ABAT: variants seen among roughly 807,000 people sequenced by gnomAD.
ABAT encodes 4-aminobutyrate aminotransferase.
ABAT carries 45 observed loss-of-function variants against 64.6 expected under a neutral mutation model. That is an observed-to-expected ratio of 0.70 (90% CI 0.55 to 0.89). ABAT has a LOEUF of 0.89. Among genes scored for constraint, ABAT ranks in the 40% least tolerant of loss-of-function variants. The pLI is 0.00. For synonymous variants in ABAT, 297 were observed against 250.5 expected (o/e 1.19, Z -1.75); for missense variants, 633 against 658.4 (o/e 0.96, Z 0.42).
At chr16:8,756,793 A>G (rs1052375389) in intron 5 of ABAT, among the ~76,000 whole-genome samples, 2 of 152,194 alleles carry the variant, frequency 1.3e-5, no homozygotes, top group Admixed American at 1.3e-4. Flanking sequence ...AAGTCTTGAG[A>G]TATGAGAGTG....
chr16:8,726,837 A>G (rs911764457), intron 1 of ABAT, among the ~76,000 whole-genome samples: 1 of 152,158 alleles, frequency 6.6e-6, no homozygotes, highest in Admixed American at 6.5e-5. Context: ...TTTGCTCCAC[A>G]TCCTCTCCAG....
chr16:8,722,947 A>C (rs2058416355), intron 1 of ABAT: 3 of 1,098,044 alleles, frequency 2.7e-6, no homozygotes, highest in South Asian at 2.6e-5. Flanking sequence ...CCTTAGAAAC[A>C]ATGTGATCCA....
chr16:8,697,503 GC>G (rs1238412738), intron 1 of ABAT, among the ~76,000 whole-genome samples: 4 of 152,268 alleles, frequency 2.6e-5, no homozygotes, highest in Non-Finnish European at 5.9e-5. Context: ...ATCTGGAAAT[GC>G]CCGGAACAGT....
chr16:8,709,937 G>A (rs1043768297), intron 1 of ABAT, among the ~76,000 whole-genome samples: 55 of 152,000 alleles, frequency 3.6e-4, no homozygotes, highest in African/African-American at 1.3e-3. Context: ...CTGAGTAGCT[G>A]GGACTACAGA....
chr16:8,723,498 T>C (rs1311895653), intron 1 of ABAT, among the ~76,000 whole-genome samples: 1 of 152,158 alleles, frequency 6.6e-6, no homozygotes, highest in African/African-American at 2.4e-5. Flanking sequence ...CTGTGGGGCC[T>C]CTTTCCTTGG....
chr16:8,723,863 C>T (rs183232316), intron 1 of ABAT, among the ~76,000 whole-genome samples: 5,004 of 85,278 alleles, frequency 0.059, 174 homozygotes, highest in Middle Eastern at 0.11. Context: ...TTTTTTGAGA[C>T]GGAGTCTTGC....
chr16:8,742,323 G>T (rs145389702), intron 2 of ABAT, among the ~76,000 whole-genome samples: 6 of 152,308 alleles, frequency 3.9e-5, no homozygotes, highest in African/African-American at 1.4e-4. Context: ...CGGTTCCCAA[G>T]AAATCTGATT....
intron 12 of ABAT, among the ~76,000 whole-genome samples, chr16:8,774,562 C>A (rs2060211293): frequency 6.6e-6 from 1 of 152,082 alleles, no homozygotes; most frequent in Non-Finnish European, 1.5e-5. Flanking sequence ...GGACACAGCT[C>A]CCTCTGACGA....
chr16:8,695,797 A>G (rs2057688512), intron 1 of ABAT, among the ~76,000 whole-genome samples: 1 of 152,224 alleles, frequency 6.6e-6, no homozygotes, highest in African/African-American at 2.4e-5. Context: ...TTTTCAGTGG[A>G]AACTGAACAG....
At chr16:8,755,259 G>A in intron 5 of ABAT, among the ~76,000 whole-genome samples, 1 of 152,078 alleles carries the variant, frequency 6.6e-6, no homozygotes, top group Non-Finnish European at 1.5e-5. Flanking sequence ...TTCTCGACAG[G>A]GAGGTCCAGG....
chr16:8,748,254 T>A, intron 4 of ABAT, 117 bp downstream of exon 4: 1 of 980,672 alleles, frequency 1.0e-6, no homozygotes, highest in African/African-American at 1.6e-5. Context: ...ACTTTTGTTC[T>A]AAACATTTTT....
intron 2 of ABAT, chr16:8,736,595 G>T: frequency 6.6e-6 from 1 of 152,532 alleles, no homozygotes; most frequent in Non-Finnish European, 1.5e-5. Context: ...TCACTGGATG[G>T]GAGGCACCAT....
chr16:8,719,754 AAGGAGGAGGAGG>A (rs150890076), intron 1 of ABAT, among the ~76,000 whole-genome samples: 1 of 152,082 alleles, frequency 6.6e-6, no homozygotes, highest in African/African-American at 2.4e-5. Context: ...AAGAAGAAAG[AAGGAGGAGGAGG>A]AGGAGAAGGA....
At chr16:8,678,328 A>C (rs924159524) in intron 1 of ABAT, among the ~76,000 whole-genome samples, 1 of 152,138 alleles carries the variant, frequency 6.6e-6, no homozygotes, top group African/African-American at 2.4e-5. Context: ...TACAAGTGTG[A>C]GTTACAACCA....
intron 1 of ABAT, among the ~76,000 whole-genome samples, chr16:8,706,447 A>C (rs1349739017): frequency 6.7e-6 from 1 of 148,758 alleles, no homozygotes; most frequent in Non-Finnish European, 1.5e-5. Flanking sequence ...ATGATGGCTC[A>C]TCATGCCTGT....
At chr16:8,757,612 T>G in intron 5 of ABAT, 145 bp from the exon 6 acceptor site, 1 of 935,692 alleles carries the variant, frequency 1.1e-6, no homozygotes, top group Non-Finnish European at 1.7e-6. Flanking sequence ...CAGGAATCTC[T>G]TTTTGTCAAC....
rs1470965239 is a variant in ABAT at position 8,782,926 on chromosome 16, AAAGT to A, written c.*1500_*1503del. On this transcript the variant is annotated 3_prime_UTR_variant, in exon 16 of 16. Coordinates refer to ENST00000268251, the MANE Select transcript of ABAT (RefSeq NM_020686.6). Reference sequence around the variant, plus strand: ...TAATAACAAATCGTCCAAAGATCTCAAAGTAAGGGTTTTTTTTTTTAGCTTCCAC... The same window carrying A: ...TAATAACAAATCGTCCAAAGATCTCAAAGGGTTTTTTTTTTTAGCTTCCAC... 6.6e-6 allele frequency: 1 copy of A among 152,142 alleles called. No individual in the cohort carries two copies. The highest frequency in any genetic ancestry group is 2.4e-5 in the African/African-American group (1 of 41,422). The allele number at this position is 152,142 out of a possible 1,614,324, so 9.4% of individuals were successfully genotyped here. A position where few individuals can be genotyped will look rare whatever the true frequency, so the allele number is the denominator to read the frequency against.
Position 8,764,842 on chromosome 16 carries a change from G to GAC in ABAT, c.540+12_540+13insAC. 6.3e-7 allele frequency: 1 copy of GAC among 1,586,742 alleles called. No homozygotes were observed. The highest frequency in any genetic ancestry group is 8.6e-7 in the Non-Finnish European group (1 of 1,161,444). ...TCATGTGGTACCGGGTGAGGTTTGG[G>GAC]GCACACACACACACACACACACAGG... On this transcript the variant is annotated intron_variant, in intron 8 of 15. Coordinates refer to ENST00000268251, the MANE Select transcript of ABAT (RefSeq NM_020686.6). This position sits in a 1 kb window ranked among gnomAD's most constrained non-coding sequence, Gnocchi z 4.2.
Position 8,719,004 on chromosome 16 carries a change from C to T in ABAT, c.-41-16695C>T, listed in dbSNP as rs539628716. Reference sequence around the variant, plus strand: ...TACGCTGTGATTTTTGCGTACTTAGCGGTTTCTGGAGTCCGTGAAAGTGGT... The same window carrying T: ...TACGCTGTGATTTTTGCGTACTTAGTGGTTTCTGGAGTCCGTGAAAGTGGT... On this transcript the variant is annotated intron_variant, in intron 1 of 15. Coordinates refer to ENST00000268251, the MANE Select transcript of ABAT (RefSeq NM_020686.6). Among the ~76,000 whole-genome samples, 410 of 152,234 alleles carry T rather than the reference C, an allele frequency of 2.7e-3. 2 individuals carry two copies. The South Asian group carries it at 0.029, about 11-fold the overall frequency.
Sources: gnomAD v4.1 joint callset for allele counts (sites outside exome capture counted in the v4.1 genomes callset) on GRCh38, gnomAD v4.1.1 for gene constraint, Gnocchi (gnomAD v3.1) non-coding constraint, MANE v1.5 for transcripts, NCBI Gene and HGNC (gene_info 2026-07-23, HGNC 2026-07-21) for gene names.